Variants in PSMD9 observed in about 807,000 individuals in gnomAD.
The protein encoded by PSMD9 is proteasome 26S subunit, non-ATPase 9.
In PSMD9, 26 loss-of-function variants were observed where a neutral mutation model predicts 25.9. The observed-to-expected ratio is 1.00, with a 90% CI of 0.73 to 1.39. The LOEUF is 1.39. PSMD9 is among the 40% of genes most tolerant of loss of function. PSMD9 has a pLI of 0.00. For missense variants in PSMD9, 303 were observed against 299.3 expected (o/e 1.01, Z -0.09); for synonymous variants, 110 against 114.5 (o/e 0.96, Z 0.25).
At chr12:121,916,259 C>T (rs1341964699) in intron 5 of PSMD9, 25 bp from the exon 6 acceptor site, 3 of 1,614,040 alleles carry the variant, frequency 1.9e-6, no homozygotes, top group African/African-American at 1.3e-5. Flanking sequence ...CAAACTTACG[C>T]CATTCCTTTT....
chr12:121,909,195 TGTC>T (rs1236255633), intron 4 of PSMD9, among the ~76,000 whole-genome samples: 1 of 152,062 alleles, frequency 6.6e-6, no homozygotes, highest in Non-Finnish European at 1.5e-5. Context: ...TGATGGAGTG[TGTC>T]AAGGAGGCCT....
intron 4 of PSMD9, chr12:121,908,221 C>T (rs1450818325): frequency 1.3e-5 from 2 of 151,660 alleles, no homozygotes; most frequent in African/African-American, 4.8e-5. Context: ...TCTTGTTGCC[C>T]AGGCTGGAGT....
At chr12:121,911,711 G>A (rs1387476581) in intron 4 of PSMD9, among the ~76,000 whole-genome samples, 1 of 149,560 alleles carries the variant, frequency 6.7e-6, no homozygotes, top group Non-Finnish European at 1.5e-5. Flanking sequence ...CTGGAGTGCA[G>A]TGGTGCAATC....
At chr12:121,890,471 GTTA>G (rs889994337) in intron 1 of PSMD9, among the ~76,000 whole-genome samples, 1 of 151,406 alleles carries the variant, frequency 6.6e-6, no homozygotes, top group East Asian at 1.9e-4. Flanking sequence ...TATTATTATT[GTTA>G]TTATTATTAT....
chr12:121,913,006 G>A (rs1421124038), intron 4 of PSMD9, among the ~76,000 whole-genome samples: 1 of 147,874 alleles, frequency 6.8e-6, no homozygotes, highest in African/African-American at 2.5e-5. Flanking sequence ...GCACAATCTC[G>A]GCTCACTGCA....
chr12:121,911,429 C>T (rs1337431057), intron 4 of PSMD9, among the ~76,000 whole-genome samples: 9 of 152,134 alleles, frequency 5.9e-5, no homozygotes, highest in Admixed American at 5.2e-4. Flanking sequence ...GTATAATATT[C>T]GACTGTATGT....
At chr12:121,906,533 G>C (rs1383120762) in intron 4 of PSMD9, among the ~76,000 whole-genome samples, 1 of 150,976 alleles carries the variant, frequency 6.6e-6, no homozygotes, top group Non-Finnish European at 1.5e-5. Context: ...GGCCTGGCAC[G>C]GTGGCTCACA....
In PSMD9 at chr12:121,894,057, T is replaced by C. The variant is rs143069224; in HGVS notation, c.139-682T>C. 4.6e-5 allele frequency: 7 copies of C among 152,136 alleles called. No homozygotes were observed. The East Asian group carries it at 1.4e-3, about 29-fold the overall frequency. 9.4% of individuals were successfully genotyped at this position (152,136 alleles called of 1,614,324 possible). A position where few individuals can be genotyped will look rare whatever the true frequency, so the allele number is the denominator to read the frequency against. On this transcript the variant is annotated intron_variant, in intron 1 of 5. Coordinates refer to ENST00000541212, the MANE Select transcript of PSMD9 (RefSeq NM_002813.7). ...TACATGGCAGAGTTGAGATTCAAAT[T>C]AAAGTCTAACCAATTGCAAAGCCCC...
At position 121,899,371 on chromosome 12, in the gene PSMD9, A is replaced by G. The variant is rs1281213250; in HGVS notation, c.242-263A>G. 3 of 457,484 alleles carry G rather than the reference A, an allele frequency of 6.6e-6. No homozygotes were observed. The East Asian group carries it at 1.1e-4, about 17-fold the overall frequency. 28.3% of individuals were successfully genotyped at this position (457,484 alleles called of 1,614,324 possible). On this transcript the variant is annotated intron_variant, in intron 2 of 5. Transcript: ENST00000541212. Reference sequence around the variant, plus strand: ...TTCAGGAAGCCTTCCCTCATATCCTAGACTAGCGAGGGCAGACTTTGCTGC... The same window carrying G: ...TTCAGGAAGCCTTCCCTCATATCCTGGACTAGCGAGGGCAGACTTTGCTGC...
intron 1 of PSMD9, among the ~76,000 whole-genome samples, chr12:121,892,176 A>T (rs1462766205): frequency 2.0e-5 from 3 of 152,208 alleles, no homozygotes; most frequent in Non-Finnish European, 4.4e-5. Flanking sequence ...AGACTATAAT[A>T]AGAGCTCTTA....
At chr12:121,913,466 A>G (rs1184439055) in intron 4 of PSMD9, among the ~76,000 whole-genome samples, 9 of 149,704 alleles carry the variant, frequency 6.0e-5, no homozygotes, top group African/African-American at 2.2e-4. Flanking sequence ...CTTATTAGAT[A>G]TATGATTTGC....
chr12:121,903,150 T>G (rs1879450338), intron 4 of PSMD9, 43 bp downstream of exon 4: 1 of 1,505,500 alleles, frequency 6.6e-7, no homozygotes, highest in South Asian at 1.1e-5. Flanking sequence ...TGGGTTTTTC[T>G]AACAGTATGC....
intron 4 of PSMD9, among the ~76,000 whole-genome samples, chr12:121,913,892 TTTTA>T (rs1483380818): frequency 6.6e-6 from 1 of 151,718 alleles, no homozygotes; most frequent in Non-Finnish European, 1.5e-5. Flanking sequence ...TGGCATCTTG[TTTTA>T]TTTATTTATT....
In PSMD9 at chr12:121,888,894, C is replaced by G; in HGVS notation, c.38C>G (p.Ser13Trp). The change falls in exon 1 of 6, where the codon TCG becomes TGG. Residue 13 changes from serine to tryptophan, a missense_variant. By Grantham distance (177) the Ser-to-Trp change is radical. Transcript: ENST00000541212. Reference sequence around the variant, plus strand: ...GAAGCGAGGCAGAGCGGAGGCTCCTCGCAGGCCGGCGTCGTGACTGTCAGC... The same window carrying G: ...GAAGCGAGGCAGAGCGGAGGCTCCTGGCAGGCCGGCGTCGTGACTGTCAGC... ...DEEARQSGGSSQAGVVTVSDV... is the reference protein window; with the variant it reads ...DEEARQSGGSWQAGVVTVSDV... 6.3e-7 allele frequency: 1 copy of G among 1,599,750 alleles called. No homozygotes were observed. Among genetic ancestry groups the G allele is most frequent in the Non-Finnish European group, 8.5e-7 (1 of 1,174,084 alleles).
At chr12:121,905,986 A>G (rs961693628) in intron 4 of PSMD9, among the ~76,000 whole-genome samples, 8 of 150,578 alleles carry the variant, frequency 5.3e-5, no homozygotes, top group Admixed American at 5.3e-4. Flanking sequence ...AAACCACACA[A>G]TATATTGCCT....
chr12:121,915,768 A>G (rs886516839), intron 4 of PSMD9, 88 bp from the exon 5 acceptor site: 22 of 1,134,526 alleles, frequency 1.9e-5, no homozygotes, highest in Middle Eastern at 4.1e-4. Context: ...TACCAATTTG[A>G]TAGGCAAAAA....
chr12:121,897,262 C>A (rs988772173), intron 2 of PSMD9: 15 of 152,092 alleles, frequency 9.9e-5, no homozygotes, highest in African/African-American at 2.9e-4. Context: ...CACCATCACA[C>A]CGGACTAATT....
intron 4 of PSMD9, among the ~76,000 whole-genome samples, chr12:121,910,442 T>A (rs1879686297): frequency 6.6e-6 from 1 of 151,936 alleles, no homozygotes; most frequent in Non-Finnish European, 1.5e-5. Context: ...ATTTATTTTT[T>A]TGTGGTAAAT....
intron 4 of PSMD9, among the ~76,000 whole-genome samples, chr12:121,904,639 T>TTTATTATTATTA (rs71082909): frequency 0.036 from 5,012 of 138,870 alleles, 146 homozygotes; most frequent in Middle Eastern, 0.072. Flanking sequence ...CCATCTGAAA[T>TTTATTATTATTA]TTATTATTAT....
Sources: gnomAD v4.1 joint callset for allele counts (sites outside exome capture counted in the v4.1 genomes callset) on GRCh38, gnomAD v4.1.1 for gene constraint, MANE v1.5 for transcripts, NCBI Gene and HGNC (gene_info 2026-07-23, HGNC 2026-07-21) for gene names.